KCNB2: variants seen among roughly 807,000 people sequenced by gnomAD.
KCNB2 encodes delayed rectifier potassium channel protein.
KCNB2 carries 15 observed loss-of-function variants against 61.5 expected under a neutral mutation model. The observed-to-expected ratio is 0.24, with a 90% CI of 0.16 to 0.38. KCNB2 has a LOEUF of 0.38. Ranked by LOEUF, KCNB2 falls within the 10% of genes least tolerant of loss-of-function variation. The pLI is 1.00. For synonymous variants in KCNB2, 457 were observed against 446.0 expected (o/e 1.02, Z -0.31); for missense variants, 828 against 1,125.2 (o/e 0.74, Z 3.78).
At chr8:72,690,454 G>C (rs1412832942) in intron 2 of KCNB2, among the ~76,000 whole-genome samples, 1 of 152,216 alleles carries the variant, frequency 6.6e-6, no homozygotes, top group Non-Finnish European at 1.5e-5. Flanking sequence ...CCAAAAATAA[G>C]TGTTCTATTT....
chr8:72,542,164 A>G (rs1011573841), intron 1 of KCNB2, among the ~76,000 whole-genome samples: 6 of 152,168 alleles, frequency 3.9e-5, no homozygotes, highest in Non-Finnish European at 8.8e-5. Flanking sequence ...CTAAATAGCT[A>G]CAACTTCTGT....
chr8:72,835,252 A>G (rs1417224701), intron 2 of KCNB2, among the ~76,000 whole-genome samples: 1 of 152,196 alleles, frequency 6.6e-6, no homozygotes, highest in East Asian at 1.9e-4. Context: ...ACAAATAATG[A>G]TTTTTATTTT....
chr8:72,931,431 C>T (rs1303608987), intron 2 of KCNB2, among the ~76,000 whole-genome samples: 27 of 152,184 alleles, frequency 1.8e-4, no homozygotes, highest in Non-Finnish European at 7.3e-5. Context: ...TATCCATGAG[C>T]ATGGAATGTT....
At position 72,774,584 on chromosome 8, in the gene KCNB2, A is replaced by G. The variant is rs1808615338; in HGVS notation, c.580-161351A>G. ...AGACTGGTCTCAACCTCCTGATCTC[A>G]AGTGATCCCCCACCTTGGCCTCCCA... On this transcript the variant is annotated intron_variant, in intron 2 of 2. Transcript: ENST00000523207. Among the ~76,000 whole-genome samples, 4 of 152,230 alleles carry G rather than the reference A, an allele frequency of 2.6e-5. No homozygotes were observed. The South Asian group carries it at 8.3e-4, about 32-fold the overall frequency.
chr8:72,611,248 A>G (rs1307525746), intron 2 of KCNB2, among the ~76,000 whole-genome samples: 2 of 152,204 alleles, frequency 1.3e-5, no homozygotes, highest in Non-Finnish European at 2.9e-5. Context: ...TTTAAAGTTG[A>G]TCAGTATTAC....
intron 2 of KCNB2, among the ~76,000 whole-genome samples, chr8:72,854,376 G>A (rs141767936): frequency 2.6e-5 from 4 of 152,168 alleles, no homozygotes; most frequent in East Asian, 3.9e-4. Flanking sequence ...TTTGATGTTC[G>A]TTTTTATCCT....
chr8:72,781,621 G>A (rs1362295957), intron 2 of KCNB2, among the ~76,000 whole-genome samples: 1 of 152,148 alleles, frequency 6.6e-6, no homozygotes, highest in East Asian at 1.9e-4. Context: ...TAGCCTTGTA[G>A]TATAGTTTGA....
At chr8:72,742,445 C>G (rs986117317) in intron 2 of KCNB2, among the ~76,000 whole-genome samples, 1 of 152,134 alleles carries the variant, frequency 6.6e-6, no homozygotes, top group African/African-American at 2.4e-5. Flanking sequence ...TAAGACTTTA[C>G]ACCCATGGCT....
At chr8:72,736,059 T>C (rs1807839336) in intron 2 of KCNB2, among the ~76,000 whole-genome samples, 1 of 152,178 alleles carries the variant, frequency 6.6e-6, no homozygotes, top group South Asian at 2.1e-4. Context: ...CACTGAAAAC[T>C]GAAATATTTC....
rs536219172 is a variant in KCNB2, at chr8:72,889,937, G to A, written c.580-45998G>A. On this transcript the variant is annotated intron_variant, in intron 2 of 2. Coordinates refer to ENST00000523207, the MANE Select transcript of KCNB2 (RefSeq NM_004770.3). ...TGCCCAGCAAATTTTTGTATTTTTA[G>A]TAGAGACAGGGCTTCATCAGGCTGG... Among the ~76,000 whole-genome samples, 8 of 152,058 alleles carry A rather than the reference G, an allele frequency of 5.3e-5. No homozygotes were observed. In the South Asian group the frequency reaches 8.3e-4, roughly 16 times the overall value.
At chr8:72,874,206 A>T (rs1366932743) in intron 2 of KCNB2, among the ~76,000 whole-genome samples, 8 of 152,220 alleles carry the variant, frequency 5.3e-5, no homozygotes. Context: ...TTTTTAAAAA[A>T]TCTTTACCAT....
At chr8:72,749,140 T>C (rs1808139552) in intron 2 of KCNB2, among the ~76,000 whole-genome samples, 2 of 152,158 alleles carry the variant, frequency 1.3e-5, no homozygotes, top group Admixed American at 1.3e-4. Context: ...TATTTATTTT[T>C]TGAGACCAGG....
intron 2 of KCNB2, among the ~76,000 whole-genome samples, chr8:72,759,785 C>T (rs1193806060): frequency 1.3e-5 from 2 of 152,116 alleles, no homozygotes; most frequent in African/African-American, 4.8e-5. Context: ...GCTCAGCAGG[C>T]AATCATCATT....
intron 2 of KCNB2, among the ~76,000 whole-genome samples, chr8:72,614,822 A>G (rs569136223): frequency 2.0e-5 from 3 of 152,180 alleles, no homozygotes; most frequent in Non-Finnish European, 4.4e-5. Flanking sequence ...AGGAGACATG[A>G]TTTCCTTGGA....
At chr8:72,684,860 G>C (rs1563558914) in intron 2 of KCNB2, among the ~76,000 whole-genome samples, 2 of 152,110 alleles carry the variant, frequency 1.3e-5, no homozygotes, top group African/African-American at 2.4e-5. Context: ...TTATTTTATG[G>C]GGTCCACCCA....
At chr8:72,825,652 G>A (rs1294455393) in intron 2 of KCNB2, among the ~76,000 whole-genome samples, 1 of 152,122 alleles carries the variant, frequency 6.6e-6, no homozygotes, top group Non-Finnish European at 1.5e-5. Flanking sequence ...GCTAATGATG[G>A]CAAGCATCTT....
In KCNB2 at chr8:72,567,902, G is replaced by A. The variant is rs150014572; in HGVS notation, c.168G>A (p.Leu56=). Residue 56 remains leucine (L), a synonymous_variant, in exon 2 of 3, where the codon CTG becomes CTA. Coordinates refer to ENST00000523207, the MANE Select transcript of KCNB2 (RefSeq NM_004770.3). ...HEVLWRTLDR[L]PRTRLGKLRD... ...TCCTGTGGAGAACGCTGGACAGGCT[G>A]CCCAGGACGCGCCTGGGGAAGCTTC... is the stretch of plus-strand genomic sequence containing the variant. 1.9e-6 allele frequency: 3 copies of A among 1,613,880 alleles called. No individual in the cohort carries two copies. Among genetic ancestry groups the A allele is most frequent in the African/African-American group, 2.7e-5 (2 of 74,888 alleles).
At chr8:72,750,883 T>C (rs547082290) in intron 2 of KCNB2, 2 of 152,270 alleles carry the variant, frequency 1.3e-5, no homozygotes, top group African/African-American at 4.8e-5. Context: ...GTCACTCACT[T>C]ATCCTTCTCT....
chr8:72,743,120 A>G (rs1408625479), intron 2 of KCNB2, among the ~76,000 whole-genome samples: 1 of 152,244 alleles, frequency 6.6e-6, no homozygotes, highest in Non-Finnish European at 1.5e-5. Flanking sequence ...AACCATGGAT[A>G]TGTCACTTAC....
Sources: allele counts gnomAD v4.1 joint callset (sites outside exome capture counted in the v4.1 genomes callset), GRCh38; gene constraint gnomAD v4.1.1; transcripts MANE v1.5; gene names NCBI Gene and HGNC (gene_info 2026-07-23, HGNC 2026-07-21).